ARHGEF11: variants seen among roughly 807,000 people sequenced by gnomAD.
ARHGEF11 encodes the protein Rho guanine exchange factor (GEF) 11.
Under a neutral mutation model 193.7 loss-of-function variants are expected in ARHGEF11, and 55 were observed. That is an observed-to-expected ratio of 0.28 (90% CI 0.23 to 0.36). ARHGEF11 has a LOEUF of 0.36. ARHGEF11 is among the 10% of genes least tolerant of loss of function. The pLI is 1.00. For missense variants in ARHGEF11, 1,723 were observed against 2,005.6 expected (o/e 0.86, Z 2.69); for synonymous variants, 693 against 768.0 (o/e 0.90, Z 1.62).
At chr1:157,041,356 A>G (rs1215164352) in intron 1 of ARHGEF11, among the ~76,000 whole-genome samples, 2 of 152,234 alleles carry the variant, frequency 1.3e-5, no homozygotes, top group Non-Finnish European at 2.9e-5. Flanking sequence ...CCCATCTTTC[A>G]GTAACAACTG....
At position 156,947,191 on chromosome 1, in the gene ARHGEF11, C is replaced by T. The variant is rs926017732; in HGVS notation, c.2488+113G>A. ...AGGCTGTCCACAGATCTTTTTCTCA[C>T]CAGGGATTGGTGGGAGGTTACCTAC... On this transcript the variant is annotated intron_variant, in intron 26 of 40. Transcript: ENST00000368194. 4.6e-5 allele frequency: 69 copies of T among 1,501,406 alleles called. No individual in the cohort carries two copies. In the South Asian group the frequency reaches 6.9e-4, roughly 15 times the overall value. The allele number at this position is 1,501,406 out of a possible 1,614,324, so 93.0% of individuals were successfully genotyped here. A position where few individuals can be genotyped will look rare whatever the true frequency, so the allele number is the denominator to read the frequency against.
chr1:157,014,170 C>T (rs1668913041), intron 1 of ARHGEF11, among the ~76,000 whole-genome samples: 1 of 152,130 alleles, frequency 6.6e-6, no homozygotes, highest in Admixed American at 6.5e-5. Context: ...TATTTAAAGC[C>T]CACCCTCTCC....
At chr1:157,023,823 C>T (rs1670300213) in intron 1 of ARHGEF11, among the ~76,000 whole-genome samples, 2 of 151,742 alleles carry the variant, frequency 1.3e-5, no homozygotes, top group Non-Finnish European at 2.9e-5. Flanking sequence ...AAACTAGAAC[C>T]CTCACAGATT....
At chr1:156,992,880 G>C (rs1279544408) in intron 1 of ARHGEF11, among the ~76,000 whole-genome samples, 1 of 152,102 alleles carries the variant, frequency 6.6e-6, no homozygotes, top group African/African-American at 2.4e-5. Context: ...GGCCAAACAG[G>C]ACTGGCTTCT....
chr1:157,033,498 C>G (rs192625996), intron 1 of ARHGEF11, among the ~76,000 whole-genome samples: 314 of 152,254 alleles, frequency 2.1e-3, no homozygotes, highest in Admixed American at 3.4e-3. Context: ...TTGTTTAATC[C>G]CATGTCTGCA....
intron 21 of ARHGEF11, among the ~76,000 whole-genome samples, chr1:156,953,271 T>G (rs1659389557): frequency 6.6e-6 from 1 of 152,148 alleles, no homozygotes; most frequent in African/African-American, 2.4e-5. Context: ...AGTGAGACCC[T>G]CTCTCTACAA....
Position 156,959,237 on chromosome 1 carries a change from A to G in ARHGEF11, c.1283-95T>C, listed in dbSNP as rs767420483. 2.4e-5 allele frequency: 24 copies of G among 1,015,586 alleles called. No homozygotes were observed. The Middle Eastern group carries it at 8.8e-4, about 37-fold the overall frequency. 62.9% of individuals were successfully genotyped at this position (1,015,586 alleles called of 1,614,324 possible). Reference sequence around the variant, plus strand: ...GCATCTCAAGGCATTTCAGCTCCCTATGACACTGGGAGGAAGGGCTGGCTT... The same window carrying G: ...GCATCTCAAGGCATTTCAGCTCCCTGTGACACTGGGAGGAAGGGCTGGCTT... On this transcript the variant is annotated intron_variant, in intron 15 of 40. Coordinates refer to ENST00000368194, the MANE Select transcript of ARHGEF11 (RefSeq NM_198236.3).
chr1:157,026,805 T>C (rs1236979885), intron 1 of ARHGEF11, among the ~76,000 whole-genome samples: 1 of 152,242 alleles, frequency 6.6e-6, no homozygotes, highest in African/African-American at 2.4e-5. Context: ...GAACAAATGC[T>C]AACTGTTATT....
At chr1:157,028,023 A>G (rs1423882904) in intron 1 of ARHGEF11, among the ~76,000 whole-genome samples, 1 of 152,210 alleles carries the variant, frequency 6.6e-6, no homozygotes. Context: ...AGTCTCTGGA[A>G]GCCCAGCCCT....
Position 156,978,254 on chromosome 1 carries a change from G to T in ARHGEF11, c.460C>A (p.Pro154Thr), listed in dbSNP as rs1663552547. 6.2e-7 allele frequency: 1 copy of T among 1,614,194 alleles called. No individual in the cohort carries two copies. The highest frequency in any genetic ancestry group is 1.3e-5 in the African/African-American group (1 of 75,054). Residue 154 changes from proline to threonine, a missense_variant, in exon 6 of 41, where the codon CCT becomes ACT. Pro to Thr is a conservative substitution (Grantham distance 38). This residue lies in a region of ARHGEF11 where 646 missense variants were observed against 710.7 expected (regional missense o/e 0.91). Transcript: ENST00000368194. ...CGTTGTGGAGGTGGTAGAGGTGGAG[G>T]AGGTGGTGGTGAGGGGATCACTGAC... ...ITSVIPSPPP[P>T]PPLPPPQRIT...
chr1:156,970,192 T>A, intron 8 of ARHGEF11, 149 bp from the exon 9 acceptor site: 1 of 649,402 alleles, frequency 1.5e-6, no homozygotes, highest in Non-Finnish European at 2.7e-6. Context: ...AGATATTGCT[T>A]CATTTGTACA....
Position 156,984,425 on chromosome 1 carries a change from C to T in ARHGEF11, c.137G>A (p.Arg46His), listed in dbSNP as rs763818310. The T allele has an allele frequency of 1.0e-5, 16 of 1,591,216 alleles. No homozygotes were observed. The highest frequency in any genetic ancestry group is 8.9e-5 in the Admixed American group (5 of 56,390). Residue 46 changes from arginine (R) to histidine (H), a missense_variant, in exon 3 of 41, where the codon CGC becomes CAC. This residue lies in a region of ARHGEF11 where 646 missense variants were observed against 710.7 expected (regional missense o/e 0.91). Coordinates refer to ENST00000368194, the MANE Select transcript of ARHGEF11 (RefSeq NM_198236.3). ...CTGGTCCTTTTGGATAATGACACAG[C>T]GTTGAACGAGACCTGGAAGGCGGAG... Reference protein sequence around the residue: ...DASETTGLVQRCVIIQKDQHG... With the variant: ...DASETTGLVQHCVIIQKDQHG...
At chr1:156,963,712 AACG>A in intron 11 of ARHGEF11, 118 bp from the exon 12 acceptor site, 1 of 1,497,054 alleles carries the variant, frequency 6.7e-7, no homozygotes, top group Non-Finnish European at 8.8e-7. Context: ...GGGTCTGGTG[AACG>A]TTGGCATCTC....
chr1:156,951,934 AG>A (rs990098144), intron 21 of ARHGEF11, among the ~76,000 whole-genome samples: 8 of 152,016 alleles, frequency 5.3e-5, no homozygotes, highest in Non-Finnish European at 1.0e-4. Context: ...GCAAAATGAG[AG>A]GGTTTGGAAG....
Position 156,979,281 on chromosome 1 carries a change from G to A in ARHGEF11, c.279C>T (p.Asn93=), listed in dbSNP as rs139328954. ...GTGAGCTATTGGTCACCATGGTGCC[G>A]TTGACCTGTTGGAGGGACAAACAGT... The part of the protein sequence containing the change: ...VKEGDRIIKV[N]GTMVTNSSHL... Residue 93 remains asparagine (N), a synonymous_variant, in exon 5 of 41, where the codon AAC becomes AAT. Transcript: ENST00000368194. The A allele has an allele frequency of 1.1e-4, 173 of 1,613,084 alleles. No homozygotes were observed. Among genetic ancestry groups the A allele is most frequent in the Middle Eastern group, 1.6e-4 (1 of 6,076 alleles).
At chr1:157,011,164 CA>C (rs1668494707) in intron 1 of ARHGEF11, among the ~76,000 whole-genome samples, 1 of 152,140 alleles carries the variant, frequency 6.6e-6, no homozygotes. Flanking sequence ...TAAAACAGAA[CA>C]TCCAGAAATA....
intron 30 of ARHGEF11, 32 bp downstream of exon 30, chr1:156,944,987 A>G: frequency 6.2e-7 from 1 of 1,605,078 alleles, no homozygotes; most frequent in Non-Finnish European, 8.5e-7. Context: ...ACAAAGTGTG[A>G]GGGGTTGACT....
At chr1:156,976,421 T>A (rs1663267410) in intron 7 of ARHGEF11, among the ~76,000 whole-genome samples, 1 of 152,210 alleles carries the variant, frequency 6.6e-6, no homozygotes, top group East Asian at 1.9e-4. Context: ...CTCCATTAGA[T>A]TTTAAACATG....
intron 3 of ARHGEF11, among the ~76,000 whole-genome samples, chr1:156,982,643 A>G (rs915408736): frequency 1.3e-5 from 2 of 151,940 alleles, no homozygotes; most frequent in Non-Finnish European, 2.9e-5. Context: ...TCTGGGTCTG[A>G]CTCTGCTCAG....
Sources: gnomAD v4.1 joint callset for allele counts (sites outside exome capture counted in the v4.1 genomes callset) on GRCh38, gnomAD v4.1.1 for gene constraint, gnomAD v4.1.1 regional missense constraint, MANE v1.5 for transcripts, NCBI Gene and HGNC (gene_info 2026-07-23, HGNC 2026-07-21) for gene names.